Variants in SIPA1L1 observed in about 807,000 individuals in gnomAD.
SIPA1L1 encodes the protein signal-induced proliferation-associated 1-like protein 1.
SIPA1L1 carries 26 observed loss-of-function variants against 162.7 expected under a neutral mutation model. The observed-to-expected ratio is 0.16, with a 90% CI of 0.12 to 0.22. The LOEUF is 0.22. SIPA1L1 is among the 10% of genes least tolerant of loss of function. SIPA1L1 has a pLI of 1.00. For missense variants in SIPA1L1, 1,874 were observed against 2,241.0 expected, an observed-to-expected ratio of 0.84 and a Z score of 3.31; for synonymous variants, 829 against 837.4, an observed-to-expected ratio of 0.99 and a Z score of 0.17.
intron 2 of SIPA1L1, among the ~76,000 whole-genome samples, chr14:71,490,998 A>G (rs2049199875): frequency 6.6e-6 from 1 of 152,202 alleles, no homozygotes; most frequent in African/African-American, 2.4e-5. Flanking sequence ...ATCATATCCT[A>G]ATATTTTATA....
chr14:71,667,220 C>G (rs545582219), intron 10 of SIPA1L1, among the ~76,000 whole-genome samples: 99 of 152,294 alleles, frequency 6.5e-4, no homozygotes, highest in South Asian at 2.1e-4. Context: ...TGCCCCTCCG[C>G]TCTGCACATG....
Position 71,329,949 on chromosome 14 carries a change from C to T in SIPA1L1, c.-465+8768C>T, listed in dbSNP as rs528260665. On this transcript the variant is annotated intron_variant, in intron 2 of 23. Transcript: ENST00000381232. Reference sequence around the variant, plus strand: ...GGAGTCTCCAAAGTGTATGCAACCTCTGGCAATACAAGGATGGGATGAGAT... The same window carrying T: ...GGAGTCTCCAAAGTGTATGCAACCTTTGGCAATACAAGGATGGGATGAGAT... Among the ~76,000 whole-genome samples, 9 of 152,252 alleles carry T rather than the reference C, an allele frequency of 5.9e-5. 1 individual carries two copies. Among genetic ancestry groups the T allele is most frequent in the African/African-American group, 2.2e-4 (9 of 41,530 alleles).
intron 4 of SIPA1L1, among the ~76,000 whole-genome samples, chr14:71,550,796 A>G (rs556773152): frequency 6.6e-6 from 1 of 152,276 alleles, no homozygotes; most frequent in East Asian, 1.9e-4. Context: ...ATTATGAGCA[A>G]TCCCAGCACT....
At position 71,588,762 on chromosome 14, in the gene SIPA1L1, G is replaced by A. The variant is rs1429879031; in HGVS notation, c.890G>A (p.Arg297His). 15 of 1,613,856 alleles carry A rather than the reference G, an allele frequency of 9.3e-6. No homozygotes were observed. The highest frequency in any genetic ancestry group is 8.9e-5 in the East Asian group (4 of 44,872). ...GAAACTGGAGACTCATCTATTTTTC[G>A]TAAATTGCGCAATGCCAAAGGTGAA... Reference protein sequence around the residue: ...KSETGDSSIFRKLRNAKGEEL... With the variant: ...KSETGDSSIFHKLRNAKGEEL... The change falls in exon 5 of 24, where the codon CGT becomes CAT. Residue 297 changes from arginine to histidine, a missense_variant. Arg to His is a conservative substitution (Grantham distance 29). Transcript: ENST00000381232. The surrounding 1 kb of genome is among the most constrained non-coding windows in gnomAD (Gnocchi z 4.3).
At chr14:71,623,939 A>G (rs2039708955) in intron 6 of SIPA1L1, 109 bp from the exon 7 acceptor site, 3 of 832,120 alleles carry the variant, frequency 3.6e-6, no homozygotes, top group Non-Finnish European at 5.5e-6. Context: ...ATCAAAAATC[A>G]TTCCCTAGCT....
At chr14:71,560,365 T>G (rs2056690535) in intron 4 of SIPA1L1, among the ~76,000 whole-genome samples, 1 of 152,138 alleles carries the variant, frequency 6.6e-6, no homozygotes, top group South Asian at 2.1e-4. Flanking sequence ...GCTTTTTCCT[T>G]GATTGTGTTG....
Position 71,652,071 on chromosome 14 carries a change from A to AAAGTG in SIPA1L1, c.1993+1562_1993+1563insAAGTG, listed in dbSNP as rs201542539. Reference sequence around the variant, plus strand: ...ATATTTCCTGAGAAGGATTCAAAGAATCCTTCTGTCCTTTTAAAATGTCGC... The same window carrying AAAGTG: ...ATATTTCCTGAGAAGGATTCAAAGAAAAGTGTCCTTCTGTCCTTTTAAAATGTCGC... On this transcript the variant is annotated intron_variant, in intron 8 of 23. Coordinates refer to ENST00000381232, the MANE Select transcript of SIPA1L1 (RefSeq NM_001386936.1). Among the ~76,000 whole-genome samples the AAAGTG allele has an allele frequency of 8.8e-3, 1,333 of 152,290 alleles. 14 individuals carry two copies. The highest frequency in any genetic ancestry group is 0.026 in the African/African-American group (1,077 of 41,548).
At chr14:71,526,222 G>T (rs1271045891) in intron 3 of SIPA1L1, among the ~76,000 whole-genome samples, 2 of 152,132 alleles carry the variant, frequency 1.3e-5, no homozygotes, top group Non-Finnish European at 2.9e-5. Flanking sequence ...ATGAAGACAA[G>T]TACATCATAA....
intron 4 of SIPA1L1, among the ~76,000 whole-genome samples, chr14:71,569,155 G>GA (rs2031416793): frequency 1.3e-5 from 2 of 152,014 alleles, no homozygotes; most frequent in African/African-American, 4.8e-5. Context: ...AAAAATGTAT[G>GA]AAGACAGGTA....
At position 71,595,444 on chromosome 14, in the gene SIPA1L1, C is replaced by G. The variant is rs531555454; in HGVS notation, c.1498+6074C>G. On this transcript the variant is annotated intron_variant, in intron 5 of 23. Coordinates refer to ENST00000381232, the MANE Select transcript of SIPA1L1 (RefSeq NM_001386936.1). ...GTATGTCTAGTTTTACTTCAACTCCCAGAACCAAATTTGATGCTCAACTAT... is the reference window on the plus strand; with the variant it reads ...GTATGTCTAGTTTTACTTCAACTCCGAGAACCAAATTTGATGCTCAACTAT... Among the ~76,000 whole-genome samples, 6 of 152,264 alleles carry G rather than the reference C, an allele frequency of 3.9e-5. No individual in the cohort carries two copies. In the East Asian group the frequency reaches 1.2e-3, roughly 29 times the overall value.
intron 12 of SIPA1L1, among the ~76,000 whole-genome samples, chr14:71,677,636 G>A (rs1224451853): frequency 2.0e-5 from 3 of 152,136 alleles, no homozygotes; most frequent in African/African-American, 7.2e-5. Context: ...AATCCATCTT[G>A]AATTAATTTT....
intron 2 of SIPA1L1, among the ~76,000 whole-genome samples, chr14:71,489,490 A>T (rs1483290691): frequency 1.3e-5 from 2 of 152,178 alleles, no homozygotes; most frequent in South Asian, 2.1e-4. Flanking sequence ...GAGAACATGG[A>T]AAGAAAATTT....
chr14:71,661,193 TAC>T, intron 9 of SIPA1L1, 115 bp from the exon 10 acceptor site: 2 of 1,006,900 alleles, frequency 2.0e-6, no homozygotes, highest in Non-Finnish European at 2.9e-6. Flanking sequence ...GTAGATTACC[TAC>T]CTTCATGTGT....
At chr14:71,445,437 GT>G (rs889770198) in intron 2 of SIPA1L1, among the ~76,000 whole-genome samples, 66 of 148,108 alleles carry the variant, frequency 4.5e-4, no homozygotes, top group African/African-American at 1.4e-3. Flanking sequence ...TAAAGTCTAA[GT>G]TTTTTTTTTT....
intron 2 of SIPA1L1, among the ~76,000 whole-genome samples, chr14:71,337,204 T>C (rs2035187577): frequency 6.6e-6 from 1 of 152,248 alleles, no homozygotes; most frequent in Admixed American, 6.5e-5. Flanking sequence ...TGCCTTCCTA[T>C]GCTAGGACTT....
chr14:71,495,181 A>G (rs1028050301), intron 2 of SIPA1L1, among the ~76,000 whole-genome samples: 1 of 152,144 alleles, frequency 6.6e-6, no homozygotes, highest in African/African-American at 2.4e-5. Context: ...TGTTTTCTAG[A>G]AGAGTTCGTG....
chr14:71,497,946 C>T (rs554512836), intron 2 of SIPA1L1: 180 of 152,316 alleles, frequency 1.2e-3, no homozygotes, highest in African/African-American at 4.1e-3. Flanking sequence ...TATCATTTTT[C>T]GTTCTCACCA....
intron 2 of SIPA1L1, among the ~76,000 whole-genome samples, chr14:71,432,852 C>T (rs1404051920): frequency 6.6e-6 from 1 of 152,152 alleles, no homozygotes; most frequent in East Asian, 1.9e-4. Context: ...TTATATGCCC[C>T]TGATTTGTAA....
intron 2 of SIPA1L1, among the ~76,000 whole-genome samples, chr14:71,417,469 C>CAAAAAAAAAAAAAAAAAAAAAAAAAAA (rs58628136): frequency 2.3e-4 from 4 of 17,768 alleles, no homozygotes; most frequent in Non-Finnish European, 3.1e-4. Context: ...GACTCCGTCT[C>CAAAAAAAAAAAAAAAAAAAAAAAAAAA]AAAAAAAAAA....
Sources: allele counts gnomAD v4.1 joint callset (sites outside exome capture counted in the v4.1 genomes callset), GRCh38; gene constraint gnomAD v4.1.1; non-coding constraint Gnocchi (gnomAD v3.1); transcripts MANE v1.5; gene names NCBI Gene and HGNC (gene_info 2026-07-23, HGNC 2026-07-21).